The following MTOR variants were observed in gnomAD, a reference collection of about 807,000 sequenced individuals.
MTOR encodes mechanistic target of rapamycin kinase, also known as serine/threonine-protein kinase mTOR.
MTOR carries 70 observed loss-of-function variants against 319.8 expected under a neutral mutation model. The observed-to-expected ratio is 0.22, with a 90% CI of 0.18 to 0.27. The LOEUF (loss-of-function observed/expected upper bound fraction) is 0.27, where lower values mean the gene tolerates loss of function less well. Ranked by LOEUF, MTOR falls within the 10% of genes least tolerant of loss-of-function variation. The probability of loss-of-function intolerance (pLI) is 1.00; values close to 1 mark genes in which losing one functional copy is unlikely to be tolerated. For missense variants in MTOR, 1,890 were observed against 3,274.4 expected, an observed-to-expected ratio of 0.58 and a Z score of 10.32; for synonymous variants, 1,183 against 1,211.4, an observed-to-expected ratio of 0.98 and a Z score of 0.49.
At chr1:11,140,084 A>G (rs981391766) in intron 34 of MTOR, among the ~76,000 whole-genome samples, 1 of 151,852 alleles carries the variant, frequency 6.6e-6, no homozygotes, top group African/African-American at 2.4e-5. Context: ...TTCGGCTCCC[A>G]AAGTTCTGGG....
Position 11,206,778 on chromosome 1 carries a change from G to A in MTOR, c.3802-2075C>T, listed in dbSNP as rs78217141. 8.0e-3 allele frequency among the ~76,000 whole-genome samples: 1,216 copies of A among 152,188 alleles called. 20 individuals are homozygous for A. Among genetic ancestry groups the A allele is most frequent in the African/African-American group, 0.027 (1,121 of 41,498 alleles). On this transcript the variant is annotated intron_variant, in intron 25 of 57. Transcript: ENST00000361445. ...TCTTGCCATCCACCCACTGCTGATC[G>A]CCTCATCTGGTGATGCTGGTGCCTG...
intron 49 of MTOR, among the ~76,000 whole-genome samples, chr1:11,120,678 T>A (rs1347280935): frequency 6.6e-6 from 1 of 152,192 alleles, no homozygotes; most frequent in Non-Finnish European, 1.5e-5. Context: ...TAAAATGGCA[T>A]AGTATTGTAT....
At chr1:11,257,541 C>A (rs569006684) in intron 3 of MTOR, among the ~76,000 whole-genome samples, 2 of 117,550 alleles carry the variant, frequency 1.7e-5, no homozygotes, top group South Asian at 3.1e-4. Flanking sequence ...CCAGCCTGGG[C>A]GACAGAGTGA....
In MTOR at chr1:11,245,469, CT is replaced by C. The variant is rs1192521079; in HGVS notation, c.1225+2155del. Reference sequence around the variant, plus strand: ...CTGAGAAATGTTTTCTCCCATGGCTCTTGTGGTCAAATGACAATGAGGCATG... The same window carrying C: ...CTGAGAAATGTTTTCTCCCATGGCTCTGTGGTCAAATGACAATGAGGCATG... On this transcript the variant is annotated intron_variant, in intron 8 of 57. Coordinates refer to ENST00000361445, the MANE Select transcript of MTOR (RefSeq NM_004958.4). Among the ~76,000 whole-genome samples, 3 of 152,200 alleles carry C rather than the reference CT, an allele frequency of 2.0e-5. No individual in the cohort carries two copies. The East Asian group carries it at 5.8e-4, about 29-fold the overall frequency.
intron 54 of MTOR, among the ~76,000 whole-genome samples, chr1:11,110,421 A>T (rs1641800547): frequency 6.6e-6 from 1 of 151,558 alleles, no homozygotes; most frequent in Non-Finnish European, 1.5e-5. Context: ...TTTTTTTTTG[A>T]GACGGAGTTT....
chr1:11,234,101 G>A, intron 14 of MTOR, 42 bp downstream of exon 14: 1 of 1,613,658 alleles, frequency 6.2e-7, no homozygotes, highest in South Asian at 1.1e-5. Context: ...ATGAGCTGAT[G>A]ACAACGCACA....
intron 6 of MTOR, among the ~76,000 whole-genome samples, chr1:11,250,939 A>G (rs1557487924): frequency 6.6e-6 from 1 of 151,748 alleles, no homozygotes; most frequent in Non-Finnish European, 1.5e-5. Context: ...GCTTCTTGCA[A>G]CTCCATAGCT....
intron 25 of MTOR, 49 bp downstream of exon 25, chr1:11,209,263 G>C (rs759501785): frequency 6.2e-7 from 1 of 1,610,500 alleles, no homozygotes; most frequent in East Asian, 2.2e-5. Flanking sequence ...TTGAGTAAGT[G>C]AGAAGAGCAG....
intron 19 of MTOR, among the ~76,000 whole-genome samples, chr1:11,222,179 T>C (rs1021116287): frequency 6.6e-6 from 1 of 151,978 alleles, no homozygotes; most frequent in African/African-American, 2.4e-5. Context: ...AAAGTTCTTT[T>C]TTAAAATTTA....
chr1:11,187,899 C>T (rs1645374468), intron 28 of MTOR, among the ~76,000 whole-genome samples: 1 of 152,300 alleles, frequency 6.6e-6, no homozygotes, highest in South Asian at 2.1e-4. Context: ...GTAACATCCT[C>T]ACCCTTTAGC....
rs2100398050 is a variant in MTOR, at chr1:11,126,792, G to A, written c.6356C>T (p.Thr2119Ile). ...RRISKQLPQLTSLELQYVSPK... is the reference protein window; with the variant it reads ...RRISKQLPQLISLELQYVSPK... Reference sequence around the variant, plus strand: ...GGAAACATATTGCAGCTCTAAGGATGTGAGCTGTAAATAATTACCAAAGGA... The same window carrying A: ...GGAAACATATTGCAGCTCTAAGGATATGAGCTGTAAATAATTACCAAAGGA... The change falls in exon 46 of 58, where the codon ACA becomes ATA. Residue 2119 changes from threonine to isoleucine, a missense_variant. Physicochemically the swap from Thr to Ile is moderately conservative, Grantham distance 89. Coordinates refer to ENST00000361445, the MANE Select transcript of MTOR (RefSeq NM_004958.4). 1 of 1,613,536 alleles carries A rather than the reference G, an allele frequency of 6.2e-7. No homozygotes were observed. The highest frequency in any genetic ancestry group is 8.5e-7 in the Non-Finnish European group (1 of 1,179,838).
intron 8 of MTOR, among the ~76,000 whole-genome samples, chr1:11,246,920 G>A (rs1174540887): frequency 6.6e-6 from 1 of 152,134 alleles, no homozygotes; most frequent in Non-Finnish European, 1.5e-5. Flanking sequence ...CACTTATTAG[G>A]GCTCTGTGCC....
intron 49 of MTOR, among the ~76,000 whole-genome samples, chr1:11,118,064 A>G (rs947143976): frequency 6.6e-6 from 1 of 151,696 alleles, no homozygotes; most frequent in African/African-American, 2.4e-5. Context: ...GGGCAACAAG[A>G]GCGAAACTCT....
intron 23 of MTOR, 141 bp from the exon 24 acceptor site, chr1:11,211,047 T>C (rs779624930): frequency 1.2e-4 from 74 of 603,396 alleles, no homozygotes; most frequent in Non-Finnish European, 1.9e-4. Flanking sequence ...AGAATCCTTC[T>C]TCCCATCTCC....
At chr1:11,189,653 G>A (rs542575916) in intron 28 of MTOR, 2 of 1,614,020 alleles carry the variant, frequency 1.2e-6, no homozygotes, top group Non-Finnish European at 1.7e-6. Context: ...CACCCAGCGT[G>A]GCTGCAGAAG....
chr1:11,260,164 GGAAA>G (rs1181268579), intron 1 of MTOR, among the ~76,000 whole-genome samples: 1 of 152,154 alleles, frequency 6.6e-6, no homozygotes, highest in East Asian at 1.9e-4. Flanking sequence ...CAGGAGGTAG[GGAAA>G]GAATTAAAAA....
At chr1:11,135,835 A>G (rs1368329700) in intron 36 of MTOR, among the ~76,000 whole-genome samples, 6 of 150,508 alleles carry the variant, frequency 4.0e-5, no homozygotes, top group Admixed American at 4.0e-4. Context: ...TGTCTCAAAA[A>G]AAAAAGAAAA....
intron 28 of MTOR, among the ~76,000 whole-genome samples, chr1:11,175,261 C>T (rs916079014): frequency 2.0e-5 from 3 of 152,212 alleles, no homozygotes; most frequent in South Asian, 2.1e-4. Context: ...AGGAAGACAA[C>T]GAAGACAGGC....
rs543292393 is a variant in MTOR, at chr1:11,190,847, C to G, written c.4253+8411G>C. Among the ~76,000 whole-genome samples the G allele has an allele frequency of 2.0e-5, 3 of 152,286 alleles. No homozygotes were observed. The South Asian group carries it at 6.2e-4, about 32-fold the overall frequency. On this transcript the variant is annotated intron_variant, in intron 28 of 57. Coordinates refer to ENST00000361445, the MANE Select transcript of MTOR (RefSeq NM_004958.4). ...GTCCCATTATAAACTACATGAAGAACAAAGACATGATCAGCTTCTACTGAC... is the reference window on the plus strand; with the variant it reads ...GTCCCATTATAAACTACATGAAGAAGAAAGACATGATCAGCTTCTACTGAC...
Sources: allele counts gnomAD v4.1 joint callset (sites outside exome capture counted in the v4.1 genomes callset), GRCh38; gene constraint gnomAD v4.1.1; transcripts MANE v1.5; gene names NCBI Gene and HGNC (gene_info 2026-07-23, HGNC 2026-07-21).